ASTN2: variants seen among roughly 807,000 people sequenced by gnomAD.
ASTN2 encodes the protein astrotactin-2.
ASTN2 carries 54 observed loss-of-function variants against 139.8 expected under a neutral mutation model. The ratio of observed to expected loss-of-function variants is 0.39; its 90% confidence interval spans 0.31 to 0.48. The LOEUF is 0.48. Among genes scored for constraint, ASTN2 ranks in the 20% least tolerant of loss-of-function variants. ASTN2 has a pLI of 0.95. For synonymous variants in ASTN2, 756 were observed against 719.5 expected (o/e 1.05, Z -0.81); for missense variants, 1,565 against 1,725.1 (o/e 0.91, Z 1.64).
chr9:116,865,177 A>G, intron 10 of ASTN2, among the ~76,000 whole-genome samples: 1 of 152,028 alleles, frequency 6.6e-6, no homozygotes, highest in Non-Finnish European at 1.5e-5. Context: ...GCATCTAAAG[A>G]TGGTGAGGAA....
intron 19 of ASTN2, among the ~76,000 whole-genome samples, chr9:116,538,760 G>A (rs1181613611): frequency 6.6e-6 from 1 of 152,056 alleles, no homozygotes; most frequent in African/African-American, 2.4e-5. Flanking sequence ...CCATCAACCA[G>A]GCAGCAAATA....
intron 1 of ASTN2, among the ~76,000 whole-genome samples, chr9:117,401,054 A>C (rs1269474761): frequency 6.6e-6 from 1 of 152,236 alleles, no homozygotes; most frequent in Non-Finnish European, 1.5e-5. Context: ...GCACATAGGT[A>C]GCATGTACTA....
chr9:117,129,475 C>T (rs1015647295), intron 4 of ASTN2, among the ~76,000 whole-genome samples: 3 of 152,292 alleles, frequency 2.0e-5, no homozygotes, highest in South Asian at 4.1e-4. Context: ...GGTTATAAGA[C>T]ATCAAGATCC....
At chr9:116,835,023 G>A (rs898044651) in intron 11 of ASTN2, among the ~76,000 whole-genome samples, 3 of 152,196 alleles carry the variant, frequency 2.0e-5, no homozygotes, top group East Asian at 1.9e-4. Context: ...TACTCCAGAC[G>A]ACAGAGCAAA....
At chr9:116,659,183 A>C (rs1858409300) in intron 16 of ASTN2, among the ~76,000 whole-genome samples, 1 of 150,892 alleles carries the variant, frequency 6.6e-6, no homozygotes, top group Admixed American at 6.6e-5. Context: ...TCACGTTTTT[A>C]TTATTTGATT....
At chr9:116,929,054 G>A (rs1022415101) in intron 10 of ASTN2, among the ~76,000 whole-genome samples, 3 of 152,190 alleles carry the variant, frequency 2.0e-5, no homozygotes, top group African/African-American at 7.2e-5. Context: ...GTGGGATCCA[G>A]CATATTATCC....
intron 4 of ASTN2, among the ~76,000 whole-genome samples, chr9:117,110,548 A>G (rs1829224852): frequency 6.6e-6 from 1 of 152,244 alleles, no homozygotes; most frequent in Non-Finnish European, 1.5e-5. Flanking sequence ...AAAATGATTA[A>G]TATCAAATAC....
chr9:117,370,905 C>G (rs758023506), intron 1 of ASTN2, among the ~76,000 whole-genome samples: 15 of 152,070 alleles, frequency 9.9e-5, no homozygotes, highest in Non-Finnish European at 7.4e-5. Flanking sequence ...TCAAATGCCC[C>G]CAACAATCCC....
chr9:116,727,511 G>A (rs1345999745), intron 15 of ASTN2, among the ~76,000 whole-genome samples: 2 of 126,526 alleles, frequency 1.6e-5, no homozygotes, highest in Admixed American at 8.5e-5. Flanking sequence ...CACAAATGCA[G>A]TGTGGGGTGT....
rs770128543 is a variant in ASTN2, at chr9:116,698,771, G to T, written c.2806+27000C>A. Reference sequence around the variant, plus strand: ...GCCCTAGGGCCTCACCTGCTAAACAGCGGGGTCCTGAGGCAGCCTCCAATA... The same window carrying T: ...GCCCTAGGGCCTCACCTGCTAAACATCGGGGTCCTGAGGCAGCCTCCAATA... On this transcript the variant is annotated intron_variant, in intron 16 of 22. Coordinates refer to ENST00000313400, the MANE Select transcript of ASTN2 (RefSeq NM_001365068.1). The surrounding 1 kb of genome is among the most constrained non-coding windows in gnomAD (Gnocchi z 4.4). 9 of 1,614,066 alleles carry T rather than the reference G, an allele frequency of 5.6e-6. No individual in the cohort carries two copies. The highest frequency in any genetic ancestry group is 7.6e-6 in the Non-Finnish European group (9 of 1,180,044).
At chr9:116,732,707 A>G (rs1282226678) in intron 14 of ASTN2, among the ~76,000 whole-genome samples, 1 of 152,216 alleles carries the variant, frequency 6.6e-6, no homozygotes, top group African/African-American at 2.4e-5. Context: ...ATGGAGTCTC[A>G]GGAAAGCCTG....
At chr9:117,383,121 T>C (rs1228493630) in intron 1 of ASTN2, among the ~76,000 whole-genome samples, 24 of 152,232 alleles carry the variant, frequency 1.6e-4, no homozygotes, top group Admixed American at 1.6e-3. Flanking sequence ...ACACTGAATC[T>C]GAAATTTCTT....
chr9:117,098,037 C>T (rs1828880743), intron 4 of ASTN2, among the ~76,000 whole-genome samples: 1 of 152,156 alleles, frequency 6.6e-6, no homozygotes, highest in East Asian at 1.9e-4. Context: ...AAGTTACTTG[C>T]ATAGTCACAC....
rs1210854731 is a variant in ASTN2, at chr9:117,112,557, T to C, written c.1169-16406A>G. Among the ~76,000 whole-genome samples, 12 of 152,254 alleles carry C rather than the reference T, an allele frequency of 7.9e-5. No homozygotes were observed. The East Asian group carries it at 2.3e-3, about 29-fold the overall frequency. On this transcript the variant is annotated intron_variant, in intron 4 of 22. Transcript: ENST00000313400. ...GTGCTGGAACAACTGGAGAGCCATA[T>C]GCTAAAAGGAATGAACAAAAGCCCA...
intron 2 of ASTN2, among the ~76,000 whole-genome samples, chr9:117,244,583 G>A (rs917057693): frequency 4.3e-4 from 4 of 9,242 alleles, no homozygotes; most frequent in African/African-American, 5.5e-4. Flanking sequence ...GGGAGGGAGG[G>A]AGGGAGGGAG....
At chr9:116,999,765 G>A (rs553078206) in intron 7 of ASTN2, among the ~76,000 whole-genome samples, 1 of 151,776 alleles carries the variant, frequency 6.6e-6, no homozygotes, top group South Asian at 2.1e-4. Context: ...TCACAGTGTG[G>A]GCCAGGCTGG....
intron 6 of ASTN2, among the ~76,000 whole-genome samples, chr9:117,016,634 ATATATATATATATATATATATAACC>A (rs1837699612): frequency 5.0e-5 from 1 of 19,916 alleles, no homozygotes; most frequent in African/African-American, 1.5e-4. Flanking sequence ...CTATATATAT[ATATATATATATATATATATATAACC>A]TATATATATG....
At chr9:116,670,904 T>C (rs1859156885) in intron 16 of ASTN2, among the ~76,000 whole-genome samples, 1 of 152,128 alleles carries the variant, frequency 6.6e-6, no homozygotes, top group Non-Finnish European at 1.5e-5. Flanking sequence ...TCAATGAACA[T>C]AAATGTATAT....
Position 116,531,630 on chromosome 9 carries a change from C to T in ASTN2, c.3356-44130G>A, listed in dbSNP as rs1851355213. Among the ~76,000 whole-genome samples, 3 of 150,432 alleles carry T rather than the reference C, an allele frequency of 2.0e-5. No individual in the cohort carries two copies. The South Asian group carries it at 6.3e-4, about 32-fold the overall frequency. On this transcript the variant is annotated intron_variant, in intron 19 of 22. Coordinates refer to ENST00000313400, the MANE Select transcript of ASTN2 (RefSeq NM_001365068.1). Reference sequence around the variant, plus strand: ...AACATGTGGTGGTTGGTTTTTTGTCCTTGTGATAGTTTGCTGAGAATGATG... The same window carrying T: ...AACATGTGGTGGTTGGTTTTTTGTCTTTGTGATAGTTTGCTGAGAATGATG...
Sources: allele counts gnomAD v4.1 joint callset (sites outside exome capture counted in the v4.1 genomes callset), GRCh38; gene constraint gnomAD v4.1.1; non-coding constraint Gnocchi (gnomAD v3.1); transcripts MANE v1.5; gene names NCBI Gene and HGNC (gene_info 2026-07-23, HGNC 2026-07-21).